Variants in CLHC1 observed in about 807,000 individuals in gnomAD.
CLHC1 encodes the protein clathrin heavy chain linker domain containing 1.
In CLHC1, 72 loss-of-function variants were observed where a neutral mutation model predicts 69.5. The ratio of observed to expected loss-of-function variants is 1.04; its 90% CI spans 0.86 to 1.26. The LOEUF (loss-of-function observed/expected upper bound fraction) is 1.26. Ranked by LOEUF, CLHC1 falls within the 50% of genes most tolerant of loss-of-function variation. The probability of loss-of-function intolerance (pLI) is 0.00; values close to 1 mark genes in which losing one functional copy is unlikely to be tolerated. For missense variants in CLHC1, 790 were observed against 679.3 expected, an observed-to-expected ratio of 1.16 and a Z score of -1.81; for synonymous variants, 223 against 224.3, an observed-to-expected ratio of 0.99 and a Z score of 0.05.
At chr2:55,216,237 T>G (rs367833180) in intron 4 of CLHC1, 3 of 149,566 alleles carry the variant, frequency 2.0e-5, no homozygotes, top group Non-Finnish European at 3.0e-5. Flanking sequence ...CACTGAGCCA[T>G]GAGCCAAGAT....
intron 2 of CLHC1, chr2:55,224,256 T>C: frequency 2.9e-6 from 1 of 350,214 alleles, no homozygotes; most frequent in South Asian, 2.3e-5. Flanking sequence ...GATAATGTAC[T>C]TGATTCCACA....
At position 55,231,905 on chromosome 2, in the gene CLHC1, G is replaced by C. The variant is rs142943866; in HGVS notation, c.-256+318C>G. ...TGTCACACTAAGGAGTGACACACAA[G>C]ACCCAGACTCTTCCCTAGGCTGGGA... On this transcript the variant is annotated intron_variant, in intron 1 of 12. Transcript: ENST00000401408. 2.7e-3 allele frequency: 408 copies of C among 152,230 alleles called. 2 individuals carry two copies. Among genetic ancestry groups the C allele is most frequent in the Non-Finnish European group, 4.7e-3 (318 of 68,018 alleles). The allele number at this position is 152,230 out of a possible 1,614,324, so 9.4% of individuals were successfully genotyped here. A position where few individuals can be genotyped will look rare whatever the true frequency, so the allele number is the denominator to read the frequency against.
At chr2:55,208,499 A>AC in intron 8 of CLHC1, 127 bp downstream of exon 8, 1 of 615,656 alleles carries the variant, frequency 1.6e-6, no homozygotes, top group Non-Finnish European at 2.8e-6. Context: ...TATAAATAAA[A>AC]CATATCAACA....
intron 5 of CLHC1, among the ~76,000 whole-genome samples, chr2:55,210,309 G>C (rs1334338760): frequency 6.6e-6 from 1 of 151,990 alleles, no homozygotes; most frequent in African/African-American, 2.4e-5. Flanking sequence ...CAATTCTCCT[G>C]CCTCAACTTC....
chr2:55,187,341 G>C (rs1251754304), intron 9 of CLHC1, among the ~76,000 whole-genome samples: 2 of 147,840 alleles, frequency 1.4e-5, no homozygotes, highest in Non-Finnish European at 3.0e-5. Flanking sequence ...GGCCAGGCGT[G>C]GTGGCTCACG....
At chr2:55,225,844 T>C (rs935381130) in intron 2 of CLHC1, 1 of 152,292 alleles carries the variant, frequency 6.6e-6, no homozygotes, top group African/African-American at 2.4e-5. Flanking sequence ...CAGGAACTGC[T>C]GTCTTTGTAA....
rs1440089478 is a variant in CLHC1 at position 55,172,619 on chromosome 2, T to C, written c.*3171A>G. Reference sequence around the variant, plus strand: ...AACTACTAGCAAACTGACAGCTTTATACACCGAACATTTGTTAAATGCCAT... The same window carrying C: ...AACTACTAGCAAACTGACAGCTTTACACACCGAACATTTGTTAAATGCCAT... On this transcript the variant is annotated 3_prime_UTR_variant, in exon 13 of 13. Transcript: ENST00000401408. Among the ~76,000 whole-genome samples, 5 of 151,538 alleles carry C rather than the reference T, an allele frequency of 3.3e-5. No individual in the cohort carries two copies. The highest frequency in any genetic ancestry group is 1.9e-4 in the East Asian group (1 of 5,172).
intron 3 of CLHC1, among the ~76,000 whole-genome samples, chr2:55,221,797 G>C (rs1293652615): frequency 6.6e-6 from 1 of 152,162 alleles, no homozygotes; most frequent in South Asian, 2.1e-4. Flanking sequence ...AGGCAACACA[G>C]AGACCTTGTC....
At chr2:55,213,553 C>T (rs1022677909) in intron 4 of CLHC1, among the ~76,000 whole-genome samples, 2 of 152,184 alleles carry the variant, frequency 1.3e-5, no homozygotes, top group African/African-American at 2.4e-5. Flanking sequence ...GAGCCTACTA[C>T]AGTAATTTTG....
At chr2:55,225,279 G>C (rs1419222632) in intron 2 of CLHC1, 1 of 152,420 alleles carries the variant, frequency 6.6e-6, no homozygotes, top group Non-Finnish European at 1.5e-5. Flanking sequence ...GAAAATCACT[G>C]ACAGCAGCTG....
chr2:55,214,892 TACATTACC>T (rs1302889090), intron 4 of CLHC1: 1 of 152,224 alleles, frequency 6.6e-6, no homozygotes, highest in African/African-American at 2.4e-5. Flanking sequence ...TAAGTTCTAA[TACATTACC>T]ACATGGACGA....
At chr2:55,228,395 C>T (rs930375399) in intron 1 of CLHC1, among the ~76,000 whole-genome samples, 191 bp from the exon 2 acceptor site, 5 of 152,332 alleles carry the variant, frequency 3.3e-5, no homozygotes, top group Admixed American at 2.6e-4. Flanking sequence ...TGCTCTCAAA[C>T]CAGAACACAG....
In CLHC1 at chr2:55,177,738, T is replaced by C. The variant is rs1418456743; in HGVS notation, c.1428A>G (p.Leu476=). The stretch of plus-strand genomic sequence containing the variant: ...TCAACTCTTTAGTGAGACACTGAAT[T>C]AATTCAACTTGGGGACATGACATTA... ...QLLMSCPQVE[L]IQCLTKELNE... The change falls in exon 12 of 13, where the codon TTA becomes TTG. Residue 476 remains leucine (L), a synonymous_variant. Coordinates refer to ENST00000401408, the MANE Select transcript of CLHC1 (RefSeq NM_152385.4). 6.2e-7 allele frequency: 1 copy of C among 1,612,434 alleles called. No individual in the cohort carries two copies. The highest frequency in any genetic ancestry group is 2.2e-5 in the East Asian group (1 of 44,860).
chr2:55,175,512 T>G lies in CLHC1; in HGVS notation c.*278A>C, dbSNP rs1428815502. 1 of 372,330 alleles carries G rather than the reference T, an allele frequency of 2.7e-6. No individual in the cohort carries two copies. Among genetic ancestry groups the G allele is most frequent in the Non-Finnish European group, 4.9e-6 (1 of 205,146 alleles). The allele number at this position is 372,330 out of a possible 1,614,324, so 23.1% of individuals were successfully genotyped here. A position where few individuals can be genotyped will look rare whatever the true frequency, so the allele number is the denominator to read the frequency against. On this transcript the variant is annotated 3_prime_UTR_variant, in exon 13 of 13. Transcript: ENST00000401408. ...AAAGTAATATATCTGGACATTAGCTTATGTCCTTAGATAAAAATGCCCTAC... is the reference window on the plus strand; with the variant it reads ...AAAGTAATATATCTGGACATTAGCTGATGTCCTTAGATAAAAATGCCCTAC...
At chr2:55,180,048 G>C (rs1482232988) in intron 11 of CLHC1, among the ~76,000 whole-genome samples, 1 of 151,932 alleles carries the variant, frequency 6.6e-6, no homozygotes. Flanking sequence ...CAGCTACTTG[G>C]GAGGCTGAGG....
intron 8 of CLHC1, among the ~76,000 whole-genome samples, chr2:55,207,473 T>C (rs568113699): frequency 1.3e-5 from 2 of 152,306 alleles, no homozygotes; most frequent in South Asian, 2.1e-4. Context: ...AGCATTACAG[T>C]GTAAGGAAAT....
chr2:55,177,651 C>T lies in CLHC1; in HGVS notation c.1515G>A (p.Met505Ile), dbSNP rs768769581. The T allele has an allele frequency of 2.5e-6, 4 of 1,607,840 alleles. No homozygotes were observed. Among genetic ancestry groups the T allele is most frequent in the Non-Finnish European group, 2.5e-6 (3 of 1,176,836 alleles). The stretch of plus-strand genomic sequence containing the variant: ...GAAGTAGCTTAATGCCAACTTTTTT[C>T]ATGTCTGCAGAGAACAGATGAAGTA... ...LAILHLFSAD[M>I]KKVGIKLLQE... The change falls in exon 12 of 13, where the codon ATG becomes ATA. Residue 505 changes from methionine to isoleucine, a missense_variant. By Grantham distance (10) the Met-to-Ile change is conservative. Transcript: ENST00000401408.
chr2:55,223,593 T>C (rs1249012544), intron 2 of CLHC1, among the ~76,000 whole-genome samples: 2 of 150,684 alleles, frequency 1.3e-5, no homozygotes, highest in African/African-American at 2.4e-5. Flanking sequence ...CGTGTCGGCC[T>C]CGGGGGACGG....
chr2:55,191,900 G>A (rs1265602574), intron 9 of CLHC1, among the ~76,000 whole-genome samples: 4 of 152,090 alleles, frequency 2.6e-5, no homozygotes, highest in Admixed American at 2.6e-4. Flanking sequence ...TACTCTAGAG[G>A]CTGAGGAAGG....
Sources: allele counts gnomAD v4.1 joint callset (sites outside exome capture counted in the v4.1 genomes callset), GRCh38; gene constraint gnomAD v4.1.1; transcripts MANE v1.5; gene names NCBI Gene and HGNC (gene_info 2026-07-23, HGNC 2026-07-21).